Variants in MAP3K4 observed in about 807,000 individuals in gnomAD.
The protein encoded by MAP3K4 is mitogen-activated protein kinase kinase kinase 4, also known as MAP three kinase 1.
MAP3K4 carries 67 observed loss-of-function variants against 185.6 expected under a neutral mutation model. The observed-to-expected ratio is 0.36, with a 90% confidence interval of 0.30 to 0.44. The LOEUF (loss-of-function observed/expected upper bound fraction) is 0.44, where lower values mean the gene tolerates loss of function less well. Among genes scored for constraint, MAP3K4 ranks in the 20% least tolerant of loss-of-function variants. The pLI, the probability that MAP3K4 is intolerant of heterozygous loss-of-function variation, is 1.00. For synonymous variants in MAP3K4, 702 were observed against 710.4 expected (o/e 0.99, Z 0.19); for missense variants, 1,551 against 1,995.1 (o/e 0.78, Z 4.24).
chr6:161,049,207 G>A lies in MAP3K4; in HGVS notation c.935G>A (p.Arg312Lys). 6.2e-7 allele frequency: 1 copy of A among 1,614,134 alleles called. No individual in the cohort carries two copies. The highest frequency in any genetic ancestry group is 8.5e-7 in the Non-Finnish European group (1 of 1,180,006). ...GACTATGGGAGCTTCGCCTTTGTTA[G>A]AGATAGAGCTGGTTTTAATGGTACT... ...KVDYGSFAFV[R>K]DRAGFNGTSV... Residue 312 changes from arginine (R) to lysine (K), a missense_variant, in exon 3 of 27, where the codon AGA becomes AAA. Physicochemically the swap from Arg to Lys is conservative, Grantham distance 26 (BLOSUM62 2). Transcript: ENST00000392142. The surrounding 1 kb of genome is among the most constrained non-coding windows in gnomAD (Gnocchi z 8.4).
At position 161,112,043 on chromosome 6, in the gene MAP3K4, A is replaced by G. The variant is rs1291690406; in HGVS notation, c.4519+85A>G. 1 of 1,541,130 alleles carries G rather than the reference A, an allele frequency of 6.5e-7. No individual in the cohort carries two copies. Among genetic ancestry groups the G allele is most frequent in the African/African-American group, 1.4e-5 (1 of 72,978 alleles). On this transcript the variant is annotated intron_variant, in intron 24 of 26. Transcript: ENST00000392142. This position sits in a 1 kb window ranked among gnomAD's most constrained non-coding sequence, Gnocchi z 5.1. ...CATGTTCCCTTCACCTTTGTTTGTC[A>G]GTAGAGATGGGAGAGCAGGTAAAGG...
intron 1 of MAP3K4, among the ~76,000 whole-genome samples, chr6:161,019,124 A>T (rs927054729): frequency 2.0e-5 from 3 of 152,338 alleles, no homozygotes; most frequent in African/African-American, 7.2e-5. Context: ...AAATTTTTTT[A>T]AGAAGTAGTG....
At position 161,080,008 on chromosome 6, in the gene MAP3K4, C is replaced by T. The variant is rs146107608; in HGVS notation, c.2098-873C>T. On this transcript the variant is annotated intron_variant, in intron 5 of 26. Coordinates refer to ENST00000392142, the MANE Select transcript of MAP3K4 (RefSeq NM_005922.4). This position sits in a 1 kb window ranked among gnomAD's most constrained non-coding sequence, Gnocchi z 4.8. ...CTGTAAACATCTGAGTGTGGACACC[C>T]GAGTGTAGTCACCTTCAGGATGTGG... is the stretch of plus-strand genomic sequence containing the variant. Among the ~76,000 whole-genome samples the T allele has an allele frequency of 0.013, 2,025 of 152,266 alleles. 22 individuals are homozygous for T. Among genetic ancestry groups the T allele is most frequent in the Non-Finnish European group, 0.017 (1,188 of 68,024 alleles).
chr6:161,079,025 C>T (rs1320653542), intron 5 of MAP3K4, among the ~76,000 whole-genome samples: 6 of 151,862 alleles, frequency 4.0e-5, no homozygotes, highest in Non-Finnish European at 7.4e-5. Flanking sequence ...ACCAGCCTGG[C>T]CAACATGGCA....
Position 161,078,123 on chromosome 6 carries a change from T to G in MAP3K4, c.2098-2758T>G, listed in dbSNP as rs973411546. ...GAGATCATCTGCTGAGAATGGGTGGTGGTGGGTATTGGCAGTTGGAGGAAA... is the reference window on the plus strand; with the variant it reads ...GAGATCATCTGCTGAGAATGGGTGGGGGTGGGTATTGGCAGTTGGAGGAAA... On this transcript the variant is annotated intron_variant, in intron 5 of 26. Transcript: ENST00000392142. 2.6e-5 allele frequency among the ~76,000 whole-genome samples: 4 copies of G among 152,054 alleles called. No homozygotes were observed. In the South Asian group the frequency reaches 8.3e-4, roughly 32 times the overall value.
At chr6:161,004,884 A>T (rs1209417434) in intron 1 of MAP3K4, among the ~76,000 whole-genome samples, 3 of 152,230 alleles carry the variant, frequency 2.0e-5, no homozygotes. Context: ...AGTAAAGAAT[A>T]ACTTTTACAG....
At chr6:161,055,122 A>G (rs559941245) in intron 3 of MAP3K4, among the ~76,000 whole-genome samples, 19 of 152,240 alleles carry the variant, frequency 1.2e-4, no homozygotes, top group African/African-American at 3.9e-4. Flanking sequence ...TGGTCTCTCA[A>G]TGACAGGGAT....
chr6:161,009,308 A>G (rs967848563), intron 1 of MAP3K4, among the ~76,000 whole-genome samples: 1 of 152,178 alleles, frequency 6.6e-6, no homozygotes, highest in Non-Finnish European at 1.5e-5. Flanking sequence ...GGTACAGTTC[A>G]GTAGCGTTGT....
chr6:161,115,299 C>G lies in MAP3K4; in HGVS notation c.4803C>G (p.Val1601=). The part of the protein sequence containing the change: ...TASQLLDHSF[V]KVCTDEE ...GCCAGCTCCTCGACCATTCGTTTGT[C>G]AAGGTTTGGCAGATTACTGGATAGT... The change falls in exon 26 of 27, where the codon GTC becomes GTG. Residue 1601 remains valine, a synonymous_variant. Transcript: ENST00000392142. This position sits in a 1 kb window ranked among gnomAD's most constrained non-coding sequence, Gnocchi z 6.0. 6.2e-7 allele frequency: 1 copy of G among 1,611,174 alleles called. No individual in the cohort carries two copies. The highest frequency in any genetic ancestry group is 8.5e-7 in the Non-Finnish European group (1 of 1,177,988).
Position 160,991,985 on chromosome 6 carries a change from T to TGCCGCCGCCATGGAGGA in MAP3K4, c.65_81dup (p.Pro28TrpfsTer47). ...CTCCTCCCGCCTTTGCCGTCACGCC[T>TGCCGCCGCCATGGAGGA]GCCGCCGCCATGGAGGAGCCGCCGC... On this transcript the variant is annotated frameshift_variant, in exon 1 of 27. Transcript: ENST00000392142. LOFTEE classifies it high-confidence loss of function. The surrounding 1 kb of genome is among the most constrained non-coding windows in gnomAD (Gnocchi z 5.7). The TGCCGCCGCCATGGAGGA allele has an allele frequency of 6.5e-7, 1 of 1,542,650 alleles. No individual in the cohort carries two copies. The highest frequency in any genetic ancestry group is 8.7e-7 in the Non-Finnish European group (1 of 1,151,876).
chr6:161,072,717 A>G (rs946827657), intron 4 of MAP3K4, among the ~76,000 whole-genome samples: 6 of 152,186 alleles, frequency 3.9e-5, no homozygotes, highest in Admixed American at 3.9e-4. Context: ...ATGTATGAAA[A>G]CGAATGTGAC....
intron 1 of MAP3K4, among the ~76,000 whole-genome samples, chr6:161,023,781 T>A (rs1016181143): frequency 4.6e-5 from 7 of 152,242 alleles, no homozygotes; most frequent in African/African-American, 1.7e-4. Flanking sequence ...CAACCACAAT[T>A]ACCAGTGTAT....
intron 11 of MAP3K4, 24 bp downstream of exon 11, chr6:161,089,495 G>T (rs1242789124): frequency 6.2e-7 from 1 of 1,609,116 alleles, no homozygotes; most frequent in Non-Finnish European, 8.5e-7. Flanking sequence ...CTCTACATTA[G>T]CTGAGATTTT....
At chr6:161,015,746 G>T (rs1033012475) in intron 1 of MAP3K4, among the ~76,000 whole-genome samples, 3 of 152,056 alleles carry the variant, frequency 2.0e-5, no homozygotes, top group Non-Finnish European at 4.4e-5. Flanking sequence ...CTAGGGTAGC[G>T]CTTGCTAGCA....
chr6:161,004,359 A>T (rs904990821), intron 1 of MAP3K4, among the ~76,000 whole-genome samples: 3 of 152,246 alleles, frequency 2.0e-5, no homozygotes, highest in African/African-American at 7.2e-5. Flanking sequence ...GTTAACTTCT[A>T]TAGCAAGCAG....
chr6:161,110,291 G>A lies in MAP3K4; in HGVS notation c.4396+377G>A, dbSNP rs1218558137. On this transcript the variant is annotated intron_variant, in intron 23 of 26. Coordinates refer to ENST00000392142, the MANE Select transcript of MAP3K4 (RefSeq NM_005922.4). This position sits in a 1 kb window ranked among gnomAD's most constrained non-coding sequence, Gnocchi z 4.8. ...TATGAAAATCATGAATATGTAAACCGACAGTAAATCAGATCAGAAGTGCAC... is the reference window on the plus strand; with the variant it reads ...TATGAAAATCATGAATATGTAAACCAACAGTAAATCAGATCAGAAGTGCAC... Among the ~76,000 whole-genome samples, 3 of 152,194 alleles carry A rather than the reference G, an allele frequency of 2.0e-5. No individual in the cohort carries two copies. The highest frequency in any genetic ancestry group is 2.1e-4 in the South Asian group (1 of 4,820).
chr6:161,116,917 ATG>A lies in MAP3K4; in HGVS notation c.*49_*50del. ...GGAAAATTCTCTTAATCACTACTGT[ATG>A]TAATATTTACATAAAGACTGTGCTG... On this transcript the variant is annotated 3_prime_UTR_variant, in exon 27 of 27. Coordinates refer to ENST00000392142, the MANE Select transcript of MAP3K4 (RefSeq NM_005922.4). This position sits in a 1 kb window ranked among gnomAD's most constrained non-coding sequence, Gnocchi z 6.2. 1 of 1,552,654 alleles carries A rather than the reference ATG, an allele frequency of 6.4e-7. No homozygotes were observed. The highest frequency in any genetic ancestry group is 1.1e-5 in the South Asian group (1 of 89,858).
intron 1 of MAP3K4, among the ~76,000 whole-genome samples, chr6:161,004,941 CAG>C (rs1472714503): frequency 2.0e-5 from 3 of 152,106 alleles, no homozygotes; most frequent in Non-Finnish European, 4.4e-5. Context: ...GACGTTGAAA[CAG>C]AGAAAACACG....
intron 2 of MAP3K4, among the ~76,000 whole-genome samples, chr6:161,042,488 G>T (rs929573143): frequency 2.2e-4 from 33 of 152,122 alleles, no homozygotes; most frequent in African/African-American, 8.0e-4. Context: ...TGTGGTGAGT[G>T]TTAAGTTTAA....
Sources: gnomAD v4.1 joint callset for allele counts (sites outside exome capture counted in the v4.1 genomes callset) on GRCh38, gnomAD v4.1.1 for gene constraint, Gnocchi (gnomAD v3.1) non-coding constraint, MANE v1.5 for transcripts, NCBI Gene and HGNC (gene_info 2026-07-23, HGNC 2026-07-21) for gene names.